Variants in PCDHGB6 observed in about 807,000 individuals in gnomAD.
PCDHGB6 encodes protocadherin gamma-B6.
PCDHGB6 carries 51 observed loss-of-function variants against 59.1 expected under a neutral mutation model. The observed-to-expected ratio is 0.86, with a 90% CI of 0.69 to 1.09. PCDHGB6 has a LOEUF of 1.09. Ranked by LOEUF, PCDHGB6 falls within the 50% of genes least tolerant of loss-of-function variation. PCDHGB6 has a pLI of 0.00. For synonymous variants in PCDHGB6, 466 were observed against 495.1 expected (o/e 0.94, Z 0.78); for missense variants, 1,148 against 1,205.1 (o/e 0.95, Z 0.70).
intron 1 of PCDHGB6, among the ~76,000 whole-genome samples, chr5:141,463,505 G>A (rs1213601894): frequency 7.3e-6 from 1 of 137,472 alleles, no homozygotes; most frequent in Non-Finnish European, 1.5e-5. Flanking sequence ...CTGGAGTGAC[G>A]TGGCGTGATC....
At chr5:141,441,764 C>T (rs1407504024) in intron 1 of PCDHGB6, 1 of 384,478 alleles carries the variant, frequency 2.6e-6, no homozygotes, top group South Asian at 2.1e-5. Context: ...TGAGCCTGCG[C>T]GTGTTGGTGG....
intron 1 of PCDHGB6, among the ~76,000 whole-genome samples, chr5:141,467,903 C>G (rs1256664266): frequency 6.6e-6 from 1 of 152,156 alleles, no homozygotes. Context: ...AAGAAATCCG[C>G]CCACCTCAGC....
At chr5:141,481,357 G>A (rs1399668487) in intron 1 of PCDHGB6, among the ~76,000 whole-genome samples, 1 of 152,176 alleles carries the variant, frequency 6.6e-6, no homozygotes, top group Non-Finnish European at 1.5e-5. Context: ...ATCTACAGCT[G>A]TTCAATAGAT....
At chr5:141,460,459 T>A (rs2098989808) in intron 1 of PCDHGB6, among the ~76,000 whole-genome samples, 1 of 152,176 alleles carries the variant, frequency 6.6e-6, no homozygotes, top group South Asian at 2.1e-4. Flanking sequence ...ATTCATATTT[T>A]TTTCCAAAGG....
rs143168452 is a variant in PCDHGB6 at position 141,504,127 on chromosome 5, C to T, written c.2478-1266C>T. Among the ~76,000 whole-genome samples the T allele has an allele frequency of 1.3e-3, 195 of 152,220 alleles. 2 individuals carry two copies. The highest frequency in any genetic ancestry group is 4.4e-3 in the African/African-American group (181 of 41,520). On this transcript the variant is annotated intron_variant, in intron 2 of 3. Transcript: ENST00000520790. ...CTGTGTGTGTGCCAGGGCTGTTTCC[C>T]GCCAACACTCCCCTGCAAATTGAAA...
At chr5:141,441,073 G>A (rs1591647632) in intron 1 of PCDHGB6, 1 of 152,152 alleles carries the variant, frequency 6.6e-6, no homozygotes, top group Non-Finnish European at 1.5e-5. Flanking sequence ...AATTTCCATG[G>A]TTTTGGTAGC....
chr5:141,419,258 C>A, intron 1 of PCDHGB6: 3 of 1,614,028 alleles, frequency 1.9e-6, no homozygotes, highest in Non-Finnish European at 2.5e-6. Flanking sequence ...AAACAACCAG[C>A]CGGGTGCCTC....
chr5:141,473,497 C>T (rs2099323546), intron 1 of PCDHGB6, among the ~76,000 whole-genome samples: 1 of 152,106 alleles, frequency 6.6e-6, no homozygotes, highest in Non-Finnish European at 1.5e-5. Context: ...ATAAGGTGTT[C>T]TGAGAGAGCA....
chr5:141,511,450 C>A lies in PCDHGB6; in HGVS notation c.*277C>A. Reference sequence around the variant, plus strand: ...TGGGGTTACTGTAGACACCAAGAACCATTTGCCACACCCCGTTTAGTTACA... The same window carrying A: ...TGGGGTTACTGTAGACACCAAGAACAATTTGCCACACCCCGTTTAGTTACA... On this transcript the variant is annotated 3_prime_UTR_variant, in exon 4 of 4. Transcript: ENST00000520790. The A allele has an allele frequency of 3.3e-6, 2 of 615,088 alleles. No homozygotes were observed. The highest frequency in any genetic ancestry group is 6.8e-5 in the East Asian group (2 of 29,272). The allele number at this position is 615,088 out of a possible 1,614,324, so 38.1% of individuals were successfully genotyped here.
At chr5:141,459,885 C>A (rs1333668105) in intron 1 of PCDHGB6, among the ~76,000 whole-genome samples, 1 of 152,106 alleles carries the variant, frequency 6.6e-6, no homozygotes, top group East Asian at 1.9e-4. Flanking sequence ...CTGAGCTGAA[C>A]GCCTTCTTAA....
intron 1 of PCDHGB6, among the ~76,000 whole-genome samples, chr5:141,457,465 A>G (rs915755113): frequency 1.3e-5 from 2 of 152,194 alleles, no homozygotes; most frequent in African/African-American, 2.4e-5. Context: ...GATTCACAGG[A>G]ATAAGCAGGG....
Position 141,414,697 on chromosome 5 carries a change from T to A in PCDHGB6, c.2418+4077T>A, listed in dbSNP as rs748722995. The A allele has an allele frequency of 9.3e-6, 15 of 1,614,036 alleles. No homozygotes were observed. Among genetic ancestry groups the A allele is most frequent in the Non-Finnish European group, 1.3e-5 (15 of 1,179,930 alleles). ...CATCCAGGGGGTACCTCTGTCCTCA[T>A]ACATATCCATCAACTCAGACACTGG... is the stretch of plus-strand genomic sequence containing the variant. On this transcript the variant is annotated intron_variant, in intron 1 of 3. Transcript: ENST00000520790.
At position 141,490,516 on chromosome 5, in the gene PCDHGB6, G is replaced by T. The variant is rs768123119; in HGVS notation, c.2419-4291G>T. The T allele has an allele frequency of 6.2e-7, 1 of 1,613,828 alleles. No individual in the cohort carries two copies. The highest frequency in any genetic ancestry group is 2.2e-5 in the East Asian group (1 of 44,864). On this transcript the variant is annotated intron_variant, in intron 1 of 3. Transcript: ENST00000520790. This position sits in a 1 kb window ranked among gnomAD's most constrained non-coding sequence, Gnocchi z 5.4. ...ATCCCACTATATCATCGAGCTGCTG[G>T]CCAGCGATGCTGGTTCACCTTCCCT... is the stretch of plus-strand genomic sequence containing the variant.
chr5:141,427,928 G>A (rs1178662640), intron 1 of PCDHGB6: 2 of 1,583,504 alleles, frequency 1.3e-6, no homozygotes. Flanking sequence ...GCCGGCGCAT[G>A]TTGGTGGGCG....
chr5:141,430,910 G>A lies in PCDHGB6; in HGVS notation c.2418+20290G>A. The A allele has an allele frequency of 6.2e-7, 1 of 1,608,040 alleles. No homozygotes were observed. The highest frequency in any genetic ancestry group is 8.5e-7 in the Non-Finnish European group (1 of 1,177,584). On this transcript the variant is annotated intron_variant, in intron 1 of 3. Coordinates refer to ENST00000520790, the MANE Select transcript of PCDHGB6 (RefSeq NM_018926.3). ...CTCTAGGGTGGGCGACATCTCCAGG[G>A]ACCTGGGGCTGGAGCCCCGGGAGCT...
chr5:141,419,140 G>C, intron 1 of PCDHGB6: 1 of 1,613,868 alleles, frequency 6.2e-7, no homozygotes, highest in Non-Finnish European at 8.5e-7. Flanking sequence ...CCACAGACAG[G>C]GGCAAGCCTC....
Position 141,486,912 on chromosome 5 carries a change from T to C in PCDHGB6, c.2419-7895T>C. The stretch of plus-strand genomic sequence containing the variant: ...CCTGGTTCCTTATGTCCCCAAGCAC[T>C]GCCTCCATCAGTTGGTGCTGGCCAC... On this transcript the variant is annotated intron_variant, in intron 1 of 3. Coordinates refer to ENST00000520790, the MANE Select transcript of PCDHGB6 (RefSeq NM_018926.3). This position sits in a 1 kb window ranked among gnomAD's most constrained non-coding sequence, Gnocchi z 5.0. The C allele has an allele frequency of 1.2e-6, 2 of 1,614,246 alleles. No homozygotes were observed. Among genetic ancestry groups the C allele is most frequent in the Non-Finnish European group, 1.7e-6 (2 of 1,180,040 alleles).
chr5:141,475,823 T>C (rs2099373850), intron 1 of PCDHGB6: 1 of 360,288 alleles, frequency 2.8e-6, no homozygotes, highest in Non-Finnish European at 5.0e-6. Context: ...TTCCTGGCGC[T>C]AGCGCGTGTC....
At chr5:141,454,267 A>G (rs1270638226) in intron 1 of PCDHGB6, among the ~76,000 whole-genome samples, 1 of 152,254 alleles carries the variant, frequency 6.6e-6, no homozygotes, top group Non-Finnish European at 1.5e-5. Context: ...AAGTAATGCC[A>G]GCAAAAACTT....
Sources: gnomAD v4.1 joint callset for allele counts (sites outside exome capture counted in the v4.1 genomes callset) on GRCh38, gnomAD v4.1.1 for gene constraint, Gnocchi (gnomAD v3.1) non-coding constraint, MANE v1.5 for transcripts, NCBI Gene and HGNC (gene_info 2026-07-23, HGNC 2026-07-21) for gene names.